TANC2: variants seen among roughly 807,000 people sequenced by gnomAD.
The protein encoded by TANC2 is protein TANC2.
In TANC2, 26 loss-of-function variants were observed where a neutral mutation model predicts 210.5. The ratio of observed to expected loss-of-function variants is 0.12; its 90% CI spans 0.09 to 0.17. The LOEUF (loss-of-function observed/expected upper bound fraction) is 0.17. Ranked by LOEUF, TANC2 falls within the 10% of genes least tolerant of loss-of-function variation. The pLI, the probability that TANC2 is intolerant of heterozygous loss-of-function variation, is 1.00. For synonymous variants in TANC2, 931 were observed against 967.1 expected (o/e 0.96, Z 0.69); for missense variants, 2,129 against 2,608.9 (o/e 0.82, Z 4.01).
chr17:63,382,486 G>C (rs1028231684), intron 15 of TANC2, among the ~76,000 whole-genome samples: 1 of 152,024 alleles, frequency 6.6e-6, no homozygotes, highest in African/African-American at 2.4e-5. Flanking sequence ...TGTTTTAGAA[G>C]AAAAGATGTT....
chr17:63,324,947 T>A (rs1313935649), intron 11 of TANC2, among the ~76,000 whole-genome samples: 1 of 152,022 alleles, frequency 6.6e-6, no homozygotes, highest in Non-Finnish European at 1.5e-5. Context: ...AAATAGCTCC[T>A]CCTTGCCCTT....
rs1004994317 is a variant in TANC2 at position 63,095,867 on chromosome 17, A to G, written c.140-3308A>G. On this transcript the variant is annotated intron_variant, in intron 3 of 27. Coordinates refer to ENST00000689528, the Ensembl canonical transcript of TANC2. ...TATAGGACAAAGAAGATGGAAGAAA[A>G]TAGTTTTAAGCAGAAAAGTAAAGTA... Among the ~76,000 whole-genome samples the G allele has an allele frequency of 2.0e-5, 3 of 152,202 alleles. No homozygotes were observed. In the South Asian group the frequency reaches 6.2e-4, roughly 31 times the overall value.
chr17:63,393,871 A>G (rs1344242691), intron 17 of TANC2, among the ~76,000 whole-genome samples: 1 of 151,900 alleles, frequency 6.6e-6, no homozygotes, highest in Non-Finnish European at 1.5e-5. Flanking sequence ...CCCAGGTTCA[A>G]GTGATTCTCC....
rs538063716 is a variant in TANC2, at chr17:63,047,793, A to G, written c.68-26150A>G. On this transcript the variant is annotated intron_variant, in intron 2 of 27. Transcript: ENST00000689528. ...CCTAAAACAAAAGACAGATTTGTTAACAATAAAAAAAGCATACAAATTTAC... is the reference window on the plus strand; with the variant it reads ...CCTAAAACAAAAGACAGATTTGTTAGCAATAAAAAAAGCATACAAATTTAC... Among the ~76,000 whole-genome samples, 32 of 152,342 alleles carry G rather than the reference A, an allele frequency of 2.1e-4. No homozygotes were observed. The South Asian group carries it at 6.6e-3, about 32-fold the overall frequency.
chr17:63,337,934 G>A (rs1236065431), intron 11 of TANC2, among the ~76,000 whole-genome samples: 1 of 152,196 alleles, frequency 6.6e-6, no homozygotes, highest in African/African-American at 2.4e-5. Flanking sequence ...CCGTGTTCCT[G>A]AGGAGGACAT....
At chr17:63,016,612 T>C (rs1053030958) in intron 2 of TANC2, among the ~76,000 whole-genome samples, 3 of 152,322 alleles carry the variant, frequency 2.0e-5, no homozygotes, top group African/African-American at 7.2e-5. Flanking sequence ...ATGGTAATTT[T>C]ATGTTTAACT....
intron 8 of TANC2, among the ~76,000 whole-genome samples, chr17:63,252,834 C>T (rs1057041611): frequency 1.3e-5 from 2 of 152,076 alleles, no homozygotes; most frequent in Non-Finnish European, 2.9e-5. Context: ...GAAGGAGTCT[C>T]GCTCTGTTGC....
At chr17:63,204,023 G>T (rs1448737349) in intron 7 of TANC2, among the ~76,000 whole-genome samples, 1 of 151,886 alleles carries the variant, frequency 6.6e-6, no homozygotes. Context: ...TTTAGAAGTT[G>T]TGGCAAATGT....
intron 4 of TANC2, among the ~76,000 whole-genome samples, chr17:63,117,990 T>TA (rs919891148): frequency 1.3e-5 from 2 of 152,186 alleles, no homozygotes; most frequent in African/African-American, 2.4e-5. Context: ...TTTTATATTT[T>TA]AAAAAAGAAT....
Position 63,262,584 on chromosome 17 carries a change from G to A in TANC2, c.1034-5164G>A, listed in dbSNP as rs1216886629. 3.3e-5 allele frequency among the ~76,000 whole-genome samples: 5 copies of A among 150,944 alleles called. No individual in the cohort carries two copies. The East Asian group carries it at 7.8e-4, about 23-fold the overall frequency. ...GTCAGGGTTCTTTCCCTGGTAGGAT[G>A]TCCTAAGTCTTCATTCTTGATGGGT... On this transcript the variant is annotated intron_variant, in intron 8 of 27. Coordinates refer to ENST00000689528, the Ensembl canonical transcript of TANC2.
At chr17:63,066,901 C>T (rs1393692428) in intron 2 of TANC2, among the ~76,000 whole-genome samples, 2 of 152,102 alleles carry the variant, frequency 1.3e-5, no homozygotes, top group African/African-American at 4.8e-5. Context: ...CTGTGAGGGG[C>T]ACCTCAAAGT....
chr17:63,007,474 A>T (rs2033672493), intron 1 of TANC2, among the ~76,000 whole-genome samples: 1 of 152,072 alleles, frequency 6.6e-6, no homozygotes, highest in Non-Finnish European at 1.5e-5. Context: ...TTTGAGTTTA[A>T]ATTATAAACC....
chr17:63,306,670 G>T (rs972608771), intron 9 of TANC2, among the ~76,000 whole-genome samples: 4 of 152,186 alleles, frequency 2.6e-5, no homozygotes, highest in African/African-American at 9.7e-5. Flanking sequence ...AGAAAATTAT[G>T]GGGGCCGGGC....
At chr17:63,240,297 C>T (rs1228462909) in intron 8 of TANC2, among the ~76,000 whole-genome samples, 1 of 152,166 alleles carries the variant, frequency 6.6e-6, no homozygotes, top group Non-Finnish European at 1.5e-5. Context: ...GACAAAGAAG[C>T]TTTGTCTCAA....
intron 21 of TANC2, among the ~76,000 whole-genome samples, chr17:63,407,975 G>A (rs926191261): frequency 6.6e-6 from 1 of 152,238 alleles, no homozygotes; most frequent in South Asian, 2.1e-4. Flanking sequence ...AAAGGACCAA[G>A]TTAGAAGAAT....
chr17:62,998,753 G>A (rs2033234560), intron 1 of TANC2, among the ~76,000 whole-genome samples: 1 of 152,198 alleles, frequency 6.6e-6, no homozygotes, highest in Non-Finnish European at 1.5e-5. Flanking sequence ...CCTCAAGGGA[G>A]TGCTAAATAT....
Position 63,003,420 on chromosome 17 carries a change from G to A in TANC2, c.-23-6117G>A, listed in dbSNP as rs147462526. 1.4e-3 allele frequency among the ~76,000 whole-genome samples: 212 copies of A among 152,164 alleles called. No individual in the cohort carries two copies. In the East Asian group the frequency reaches 0.021, roughly 15 times the overall value. On this transcript the variant is annotated intron_variant, in intron 1 of 27. Transcript: ENST00000689528. ...AATGACAGTACCAAATCCTGTACAC[G>A]CTATATGCAGTAACTGATCTGATAA...
chr17:63,292,393 T>C lies in TANC2; in HGVS notation c.1160-21995T>C, dbSNP rs191550829. Among the ~76,000 whole-genome samples, 4 of 152,248 alleles carry C rather than the reference T, an allele frequency of 2.6e-5. No individual in the cohort carries two copies. In the East Asian group the frequency reaches 7.7e-4, roughly 29 times the overall value. ...GGCTATTTCAAAAAGTGGGGATGGGTAAACAGTGTGAAATACTAAAAAGTG... is the reference window on the plus strand; with the variant it reads ...GGCTATTTCAAAAAGTGGGGATGGGCAAACAGTGTGAAATACTAAAAAGTG... On this transcript the variant is annotated intron_variant, in intron 9 of 27. Transcript: ENST00000689528.
At chr17:63,131,657 T>C (rs1416504176) in intron 4 of TANC2, among the ~76,000 whole-genome samples, 1 of 152,216 alleles carries the variant, frequency 6.6e-6, no homozygotes, top group African/African-American at 2.4e-5. Context: ...CTTTCAAGTT[T>C]GAAAGTAATA....
Sources: gnomAD v4.1 joint callset for allele counts (sites outside exome capture counted in the v4.1 genomes callset) on GRCh38, gnomAD v4.1.1 for gene constraint, MANE v1.5 for transcripts, NCBI Gene and HGNC (gene_info 2026-07-23, HGNC 2026-07-21) for gene names.